The following USP39 variants were observed in gnomAD, a reference collection of about 807,000 sequenced individuals.
USP39 encodes the protein ubiquitin specific peptidase 39, also known as ubiquitin carboxyl-terminal hydrolase 39.
USP39 carries 38 observed loss-of-function variants against 66.4 expected under a neutral mutation model. The observed-to-expected ratio is 0.57, with a 90% CI of 0.44 to 0.75. USP39 has a LOEUF of 0.75. Among genes scored for constraint, USP39 ranks in the 30% least tolerant of loss-of-function variants. The probability of loss-of-function intolerance (pLI) is 0.00; values close to 1 mark genes in which losing one functional copy is unlikely to be tolerated. For missense variants in USP39, 608 were observed against 714.4 expected, an observed-to-expected ratio of 0.85 and a Z score of 1.70; for synonymous variants, 303 against 274.6, an observed-to-expected ratio of 1.10 and a Z score of -1.02.
At chr2:85,618,578 A>C (rs1025202059) in intron 1 of USP39, among the ~76,000 whole-genome samples, 4 of 151,658 alleles carry the variant, frequency 2.6e-5, no homozygotes, top group Non-Finnish European at 5.9e-5. Flanking sequence ...AAAAAAACAA[A>C]AAAAAAACGA....
At chr2:85,612,422 C>A, upstream of USP39, 1 of 1,471,274 alleles carries the variant, frequency 6.8e-7, no homozygotes, top group South Asian at 1.2e-5. Context: ...GTAACGCTGC[C>A]ACTTCTCAGT....
At chr2:85,646,577 T>A (rs1219322242) in intron 11 of USP39, among the ~76,000 whole-genome samples, 1 of 152,222 alleles carries the variant, frequency 6.6e-6, no homozygotes, top group Non-Finnish European at 1.5e-5. Context: ...AATGGGAACT[T>A]ACTTATGTGA....
intron 11 of USP39, among the ~76,000 whole-genome samples, chr2:85,645,446 G>A (rs1292278700): frequency 2.6e-5 from 4 of 152,004 alleles, no homozygotes; most frequent in Admixed American, 2.6e-4. Flanking sequence ...ACCACGCCCG[G>A]CTAATTTTTG....
intron 1 of USP39, among the ~76,000 whole-genome samples, 174 bp downstream of exon 1, chr2:85,616,637 A>G (rs191861698): frequency 3.0e-4 from 45 of 151,280 alleles, no homozygotes; most frequent in Non-Finnish European, 4.4e-4. Context: ...GTTCTGATGA[A>G]GACAGTACCC....
intron 3 of USP39, 69 bp downstream of exon 3, chr2:85,621,648 T>G: frequency 8.4e-7 from 1 of 1,195,416 alleles, no homozygotes; most frequent in South Asian, 1.3e-5. Context: ...TTAAAGAAAG[T>G]AAGCTGTTCT....
In USP39 at chr2:85,624,353, G is replaced by GT. The variant is rs536364049; in HGVS notation, c.570+581dup. On this transcript the variant is annotated intron_variant, in intron 4 of 12. Coordinates refer to ENST00000323701, the MANE Select transcript of USP39 (RefSeq NM_006590.4). Reference sequence around the variant, plus strand: ...GCCATGTGCTCTGTTCTTGTTTTTGGTTTTTTTTTTGAGACAGGGTCTCAC... The same window carrying GT: ...GCCATGTGCTCTGTTCTTGTTTTTGGTTTTTTTTTTTGAGACAGGGTCTCAC... Among the ~76,000 whole-genome samples, 241 of 148,228 alleles carry GT rather than the reference G, an allele frequency of 1.6e-3. 4 individuals carry two copies. Among genetic ancestry groups the GT allele is most frequent in the Admixed American group, 3.3e-3 (49 of 14,770 alleles).
chr2:85,640,932 C>T, intron 9 of USP39, 44 bp from the exon 10 acceptor site: 7 of 1,564,280 alleles, frequency 4.5e-6, no homozygotes, highest in Non-Finnish European at 6.1e-6. Flanking sequence ...TCTAATACTA[C>T]TGAACTTCAG....
rs1676863250 is a variant in USP39 at position 85,649,071 on chromosome 2, A to T, written c.*263A>T. ...CTCCCATCTAGCTTCAGCAGGGCAG[A>T]ACCCTTCTCCAGATGTGTGTAACTT... is the stretch of plus-strand genomic sequence containing the variant. On this transcript the variant is annotated 3_prime_UTR_variant, in exon 13 of 13. Coordinates refer to ENST00000323701, the MANE Select transcript of USP39 (RefSeq NM_006590.4). 2.1e-6 allele frequency: 1 copy of T among 485,574 alleles called. No individual in the cohort carries two copies. The highest frequency in any genetic ancestry group is 3.7e-6 in the Non-Finnish European group (1 of 272,378). The allele number at this position is 485,574 out of a possible 1,614,324, so 30.1% of individuals were successfully genotyped here. A position where few individuals can be genotyped will look rare whatever the true frequency, so the allele number is the denominator to read the frequency against.
At position 85,647,944 on chromosome 2, in the gene USP39, G is replaced by T; in HGVS notation, c.1578G>T (p.Trp526Cys). 1.2e-6 allele frequency: 2 copies of T among 1,614,146 alleles called. No individual in the cohort carries two copies. Among genetic ancestry groups the T allele is most frequent in the Non-Finnish European group, 1.7e-6 (2 of 1,180,024 alleles). The stretch of plus-strand genomic sequence containing the variant: ...ACTTTCTGCAGGGGACAGGCAAATG[G>T]TATGAATTACAAGACCTCCAGGTGA... ...IHVLHHGTGK[W>C]YELQDLQVTD... Residue 526 changes from tryptophan (W) to cysteine (C), a missense_variant, in exon 12 of 13, where the codon TGG (tryptophan) becomes TGT (cysteine). Coordinates refer to ENST00000323701, the MANE Select transcript of USP39 (RefSeq NM_006590.4).
In USP39 at chr2:85,619,286, A is replaced by G. The variant is rs912785369; in HGVS notation, c.335A>G (p.Asn112Ser). 3 of 1,613,278 alleles carry G rather than the reference A, an allele frequency of 1.9e-6. No homozygotes were observed. Among genetic ancestry groups the G allele is most frequent in the Non-Finnish European group, 2.5e-6 (3 of 1,179,772 alleles). Reference protein sequence around the residue: ...SRHCPYLDTINRSVLDFDFEK... With the variant: ...SRHCPYLDTISRSVLDFDFEK... ...CACTGCCCGTACCTGGACACCATTA[A>G]CAGGTCAGTAGGACAGAGATGCTGA... The change falls in exon 2 of 13, where the codon AAC becomes AGC. Residue 112 changes from asparagine to serine, a missense_variant. By Grantham distance (46) the Asn-to-Ser change is conservative (BLOSUM62 1). Around this residue, in one of 6 missense-constraint regions of USP39, gnomAD observed 115 missense variants for 198.6 expected, o/e 0.58. Coordinates refer to ENST00000323701, the MANE Select transcript of USP39 (RefSeq NM_006590.4).
chr2:85,609,128 C>G (rs1673341161), upstream of USP39: 1 of 1,595,920 alleles, frequency 6.3e-7, no homozygotes, highest in Admixed American at 1.7e-5. Flanking sequence ...GTGACCTGCC[C>G]TGTCCCTAAA....
chr2:85,615,951 C>T (rs1182275273), upstream of USP39: 3 of 723,052 alleles, frequency 4.1e-6, no homozygotes, highest in Non-Finnish European at 5.1e-6. Context: ...ATCCAGAAAA[C>T]TGTCGCCAGT....
chr2:85,611,432 ACTT>A, upstream of USP39: 1 of 1,522,150 alleles, frequency 6.6e-7, no homozygotes, highest in East Asian at 2.5e-5. Flanking sequence ...CGGCAGATAA[ACTT>A]CTTGCTGGCT....
upstream of USP39, among the ~76,000 whole-genome samples, chr2:85,612,979 A>AT (rs1467733414): frequency 8.5e-6 from 1 of 118,058 alleles, no homozygotes; most frequent in Non-Finnish European, 1.8e-5. Context: ...TTTTTTTTCT[A>AT]TTTTTTCTGA....
chr2:85,632,699 C>T (rs562387123), intron 6 of USP39, among the ~76,000 whole-genome samples: 1 of 152,268 alleles, frequency 6.6e-6, no homozygotes, highest in African/African-American at 2.4e-5. Flanking sequence ...CTGCTCACCT[C>T]AGCCTCCCAA....
upstream of USP39, chr2:85,609,140 ACT>A: frequency 6.4e-7 from 1 of 1,567,140 alleles, no homozygotes; most frequent in East Asian, 2.3e-5. Flanking sequence ...GTCCCTAAAC[ACT>A]CTCACAGAAC....
chr2:85,638,214 G>A (rs1443562782), intron 8 of USP39, among the ~76,000 whole-genome samples: 1 of 149,796 alleles, frequency 6.7e-6, no homozygotes, highest in Non-Finnish European at 1.5e-5. Flanking sequence ...TAGAGAAGAG[G>A]TTTTACCATG....
rs1168066371 is a variant in USP39 at position 85,645,300 on chromosome 2, A to C, written c.1563+217A>C. 156 of 496,368 alleles carry C rather than the reference A, an allele frequency of 3.1e-4. No homozygotes were observed. In the East Asian group the frequency reaches 5.6e-3, roughly 18 times the overall value. 30.7% of individuals were successfully genotyped at this position (496,368 alleles called of 1,614,324 possible). Reference sequence around the variant, plus strand: ...AGCTTTTTTTTTTTTTTTTTGAGACAGGGTCTCGCTCTGTAGCCCAGGCTG... The same window carrying C: ...AGCTTTTTTTTTTTTTTTTTGAGACCGGGTCTCGCTCTGTAGCCCAGGCTG... On this transcript the variant is annotated intron_variant, in intron 11 of 12. Coordinates refer to ENST00000323701, the MANE Select transcript of USP39 (RefSeq NM_006590.4).
At chr2:85,616,514 CT>C in intron 1 of USP39, 51 bp downstream of exon 1, 1 of 1,064,806 alleles carries the variant, frequency 9.4e-7, no homozygotes, top group Non-Finnish European at 1.1e-6. Flanking sequence ...TTTTCGCGTC[CT>C]TTTTTCTTGT....
Sources: allele counts gnomAD v4.1 joint callset (sites outside exome capture counted in the v4.1 genomes callset), GRCh38; gene constraint gnomAD v4.1.1; regional missense constraint gnomAD v4.1.1; transcripts MANE v1.5; gene names NCBI Gene and HGNC (gene_info 2026-07-23, HGNC 2026-07-21).